VASH2: variants seen among roughly 807,000 people sequenced by gnomAD.
VASH2 encodes the protein vasohibin 2.
A neutral mutation model predicts 37.2 loss-of-function variants in VASH2; 28 were observed. The observed-to-expected ratio is 0.75, with a 90% CI of 0.56 to 1.03. The LOEUF is 1.03. Among genes scored for constraint, VASH2 ranks in the 50% least tolerant of loss-of-function variants. The pLI is 0.00. For synonymous variants in VASH2, 188 were observed against 174.7 expected, an observed-to-expected ratio of 1.08 and a Z score of -0.60; for missense variants, 419 against 459.1, an observed-to-expected ratio of 0.91 and a Z score of 0.80.
chr1:212,958,350 C>T (rs1005961106), intron 2 of VASH2, among the ~76,000 whole-genome samples: 1 of 152,192 alleles, frequency 6.6e-6, no homozygotes, highest in African/African-American at 2.4e-5. Flanking sequence ...TTTGTCCTCC[C>T]GTTGGGCAGG....
At chr1:212,984,269 C>CA (rs1667413981) in intron 7 of VASH2, among the ~76,000 whole-genome samples, 1 of 152,128 alleles carries the variant, frequency 6.6e-6, no homozygotes, top group East Asian at 1.9e-4. Flanking sequence ...AAGAAACACA[C>CA]AAACTACAAA....
At chr1:212,959,073 G>C (rs1666588391) in intron 2 of VASH2, among the ~76,000 whole-genome samples, 1 of 152,124 alleles carries the variant, frequency 6.6e-6, no homozygotes. Flanking sequence ...CTCTGCCTCT[G>C]CTCCTGGGCT....
rs753144722 is a variant in VASH2, at chr1:212,951,912, C to T, written c.276+94C>T. 135 of 1,394,422 alleles carry T rather than the reference C, an allele frequency of 9.7e-5. No individual in the cohort carries two copies. The highest frequency in any genetic ancestry group is 1.3e-4 in the Non-Finnish European group (131 of 1,036,724). 86.4% of individuals were successfully genotyped at this position (1,394,422 alleles called of 1,614,324 possible). On this transcript the variant is annotated intron_variant, in intron 2 of 7. Transcript: ENST00000517399. The surrounding 1 kb of genome is among the most constrained non-coding windows in gnomAD (Gnocchi z 4.4). ...ATACATAGCAAACACAGGCAATCTC[C>T]ATTTTCCTAGTCCTGCTACAAACTC...
chr1:212,955,360 G>A (rs1375685474), intron 2 of VASH2, among the ~76,000 whole-genome samples: 1 of 152,208 alleles, frequency 6.6e-6, no homozygotes, highest in East Asian at 1.9e-4. Context: ...CCCCTGCTTT[G>A]AGATCCTCCT....
chr1:212,973,050 A>G (rs1326709519), intron 6 of VASH2, 89 bp downstream of exon 6: 2 of 1,505,894 alleles, frequency 1.3e-6, no homozygotes, highest in African/African-American at 1.4e-5. Flanking sequence ...TCATTTTTCT[A>G]GGATGGCCAA....
chr1:212,967,534 T>C, intron 5 of VASH2: 2 of 936,892 alleles, frequency 2.1e-6, no homozygotes, highest in Non-Finnish European at 2.7e-6. Flanking sequence ...ATGACTTTTT[T>C]CCAAAAGGCA....
At chr1:212,964,928 T>G (rs1323096530) in intron 3 of VASH2, among the ~76,000 whole-genome samples, 1 of 152,008 alleles carries the variant, frequency 6.6e-6, no homozygotes, top group South Asian at 2.1e-4. Context: ...CCAGGTTTTT[T>G]TTTTTTTTTT....
intron 7 of VASH2, among the ~76,000 whole-genome samples, chr1:212,986,650 T>A (rs1667486692): frequency 6.6e-6 from 1 of 152,122 alleles, no homozygotes; most frequent in Non-Finnish European, 1.5e-5. Flanking sequence ...GCAGTGGCTT[T>A]GTTTAAGGGA....
At chr1:212,973,015 TTCTC>T (rs1305979968) in intron 6 of VASH2, 54 bp downstream of exon 6, 5 of 1,569,954 alleles carry the variant, frequency 3.2e-6, no homozygotes, top group African/African-American at 2.7e-5. Context: ...TCCCATTCCT[TTCTC>T]TCTGTCTCTT....
intron 7 of VASH2, among the ~76,000 whole-genome samples, chr1:212,977,211 C>G (rs2102651227): frequency 6.6e-6 from 1 of 152,218 alleles, no homozygotes; most frequent in South Asian, 2.1e-4. Flanking sequence ...AGAAGGAGCC[C>G]TGAACAGAGA....
chr1:212,975,236 G>T (rs1667134466), intron 7 of VASH2, among the ~76,000 whole-genome samples: 1 of 152,222 alleles, frequency 6.6e-6, no homozygotes, highest in South Asian at 2.1e-4. Flanking sequence ...AACAGGACAG[G>T]ACGAAGTATT....
At chr1:212,975,611 C>T (rs575316074) in intron 7 of VASH2, among the ~76,000 whole-genome samples, 15 of 152,358 alleles carry the variant, frequency 9.8e-5, no homozygotes, top group Admixed American at 9.1e-4. Flanking sequence ...TAACTGCTGT[C>T]ATCACAAAGT....
At chr1:212,955,612 C>G (rs188179146) in intron 2 of VASH2, among the ~76,000 whole-genome samples, 3 of 152,286 alleles carry the variant, frequency 2.0e-5, no homozygotes, top group Admixed American at 2.0e-4. Context: ...ACTGGACTCT[C>G]CTTGGGGCAG....
chr1:212,973,481 A>G, intron 6 of VASH2: 6 of 1,290,926 alleles, frequency 4.6e-6, no homozygotes, highest in Non-Finnish European at 6.1e-6. Flanking sequence ...GGCTATGTTT[A>G]GCACTTGTGG....
chr1:212,964,576 GT>G (rs1454105906), intron 3 of VASH2, among the ~76,000 whole-genome samples: 1 of 152,226 alleles, frequency 6.6e-6, no homozygotes, highest in Non-Finnish European at 1.5e-5. Context: ...GTGCAAGCTG[GT>G]CAGTCCCTGA....
intron 5 of VASH2, chr1:212,967,008 G>T (rs1333982119): frequency 1.1e-6 from 1 of 885,254 alleles, no homozygotes; most frequent in Non-Finnish European, 1.6e-6. Flanking sequence ...GCCTCCCAAA[G>T]TGTTGAGATT....
In VASH2 at chr1:212,973,947, T is replaced by C. The variant is rs772399422; in HGVS notation, c.880-8T>C. On this transcript the variant is annotated splice_region_variant and splice_polypyrimidine_tract_variant and intron_variant, in intron 6 of 7. Coordinates refer to ENST00000517399, the MANE Select transcript of VASH2 (RefSeq NM_001301056.2). ...ACCAGGGTGATTAACTCCTCACATC[T>C]CCTTCAGATCCTGAAACCTGCAAGT... 2.5e-6 allele frequency: 4 copies of C among 1,612,706 alleles called. No homozygotes were observed. The highest frequency in any genetic ancestry group is 3.4e-6 in the Non-Finnish European group (4 of 1,179,368).
intron 7 of VASH2, among the ~76,000 whole-genome samples, chr1:212,976,597 CT>C (rs1667180503): frequency 6.6e-6 from 1 of 151,946 alleles, no homozygotes; most frequent in Non-Finnish European, 1.5e-5. Flanking sequence ...CGACAAGGCC[CT>C]GAGGAAGCCC....
rs1227424880 is a variant in VASH2, at chr1:212,950,951, C to G, written c.-205+211C>G. ...AGCGCCCTCGCGCCAGCTCTGGGCG[C>G]TCACATGCCAGCACGTTCGTGGCTC... On this transcript the variant is annotated intron_variant, in intron 1 of 7. Coordinates refer to ENST00000517399, the MANE Select transcript of VASH2 (RefSeq NM_001301056.2). This position sits in a 1 kb window ranked among gnomAD's most constrained non-coding sequence, Gnocchi z 5.5. 2.0e-5 allele frequency among the ~76,000 whole-genome samples: 3 copies of G among 152,256 alleles called. No homozygotes were observed. Among genetic ancestry groups the G allele is most frequent in the Non-Finnish European group, 4.4e-5 (3 of 68,046 alleles).
Sources: allele counts gnomAD v4.1 joint callset (sites outside exome capture counted in the v4.1 genomes callset), GRCh38; gene constraint gnomAD v4.1.1; non-coding constraint Gnocchi (gnomAD v3.1); transcripts MANE v1.5; gene names NCBI Gene and HGNC (gene_info 2026-07-23, HGNC 2026-07-21).